TSGA10: variants seen among roughly 807,000 people sequenced by gnomAD.
TSGA10 encodes the protein testis specific 10.
In TSGA10, 43 loss-of-function variants were observed where a neutral mutation model predicts 96.6. The ratio of observed to expected loss-of-function variants is 0.44; its 90% CI spans 0.35 to 0.57. TSGA10 has a LOEUF of 0.57. Ranked by LOEUF, TSGA10 falls within the 20% of genes least tolerant of loss-of-function variation. The probability of loss-of-function intolerance (pLI) is 0.01; values close to 1 mark genes in which losing one functional copy is unlikely to be tolerated. For synonymous variants in TSGA10, 229 were observed against 269.9 expected (o/e 0.85, Z 1.48); for missense variants, 703 against 834.4 (o/e 0.84, Z 1.94).
At chr2:99,091,533 A>C (rs1327314510) in intron 10 of TSGA10, among the ~76,000 whole-genome samples, 1 of 152,106 alleles carries the variant, frequency 6.6e-6, no homozygotes, top group Non-Finnish European at 1.5e-5. Flanking sequence ...AATTCACTGA[A>C]CAAGTATCTG....
intron 16 of TSGA10, among the ~76,000 whole-genome samples, chr2:99,045,960 T>A (rs546839037): frequency 6.6e-6 from 1 of 151,672 alleles, no homozygotes; most frequent in Non-Finnish European, 1.5e-5. Flanking sequence ...ACCACAAAGA[T>A]CAAAAGAGAC....
At chr2:99,087,527 A>AT (rs949166397) in intron 10 of TSGA10, among the ~76,000 whole-genome samples, 1 of 151,820 alleles carries the variant, frequency 6.6e-6, no homozygotes, top group African/African-American at 2.4e-5. Flanking sequence ...AAAAAATAAA[A>AT]TTTTTTTTAA....
chr2:99,079,384 G>A (rs1020904106), intron 11 of TSGA10, among the ~76,000 whole-genome samples: 1 of 152,190 alleles, frequency 6.6e-6, no homozygotes, highest in Non-Finnish European at 1.5e-5. Flanking sequence ...CAGTGTCAAC[G>A]TTGAAGGCCT....
chr2:99,091,656 C>G (rs1051376520), intron 10 of TSGA10, among the ~76,000 whole-genome samples: 2 of 151,994 alleles, frequency 1.3e-5, no homozygotes, highest in African/African-American at 4.8e-5. Context: ...AGTAGCTATT[C>G]TTATATCAGA....
intron 16 of TSGA10, among the ~76,000 whole-genome samples, chr2:99,056,526 T>G (rs904330367): frequency 1.3e-5 from 2 of 152,156 alleles, no homozygotes; most frequent in African/African-American, 2.4e-5. Flanking sequence ...ACTATCTGTA[T>G]AGATCTATAA....
chr2:99,017,456 G>C (rs1416696735), intron 20 of TSGA10, among the ~76,000 whole-genome samples: 2 of 152,174 alleles, frequency 1.3e-5, no homozygotes, highest in Non-Finnish European at 2.9e-5. Flanking sequence ...TAAGCTATGA[G>C]GATGAAAGTT....
At chr2:99,037,847 C>T (rs1385170753) in intron 16 of TSGA10, among the ~76,000 whole-genome samples, 6 of 151,910 alleles carry the variant, frequency 3.9e-5, no homozygotes, top group African/African-American at 1.5e-4. Context: ...GAAACTCCAT[C>T]TCAAAAATAA....
chr2:99,056,186 C>T (rs1301460874), intron 16 of TSGA10, among the ~76,000 whole-genome samples: 1 of 146,190 alleles, frequency 6.8e-6, no homozygotes, highest in Non-Finnish European at 1.5e-5. Flanking sequence ...GCCTGGGTGA[C>T]AGAGCAAGAC....
intron 17 of TSGA10, among the ~76,000 whole-genome samples, chr2:99,023,709 G>C (rs140203335): frequency 1.3e-5 from 2 of 152,194 alleles, no homozygotes; most frequent in Non-Finnish European, 2.9e-5. Flanking sequence ...GGGCACAAAT[G>C]TATAAACCAT....
chr2:99,052,047 A>C (rs1189978917), intron 16 of TSGA10, among the ~76,000 whole-genome samples: 1 of 151,900 alleles, frequency 6.6e-6, no homozygotes, highest in African/African-American at 2.4e-5. Context: ...TCAAATCAAC[A>C]ACCTAACTTC....
At chr2:99,086,993 A>G (rs563341021) in intron 10 of TSGA10, among the ~76,000 whole-genome samples, 15 of 151,786 alleles carry the variant, frequency 9.9e-5, no homozygotes, top group Admixed American at 8.5e-4. Context: ...TCACGAGGTC[A>G]GGAGATTGAG....
In TSGA10 at chr2:99,105,277, C is replaced by A. The variant is rs548398550; in HGVS notation, c.459+82G>T. The stretch of plus-strand genomic sequence containing the variant: ...CTATCTTAGAAAAATAAAATAACTT[C>A]TCTGAATACAGAAAAAGGAGAAAGG... On this transcript the variant is annotated intron_variant, in intron 9 of 20. Transcript: ENST00000393483. The A allele has an allele frequency of 3.7e-5, 45 of 1,206,802 alleles. No homozygotes were observed. In the South Asian group the frequency reaches 6.0e-4, roughly 16 times the overall value. The allele number at this position is 1,206,802 out of a possible 1,614,324, so 74.8% of individuals were successfully genotyped here. A position where few individuals can be genotyped will look rare whatever the true frequency, so the allele number is the denominator to read the frequency against.
chr2:99,063,082 TG>T, intron 16 of TSGA10, among the ~76,000 whole-genome samples: 1 of 152,166 alleles, frequency 6.6e-6, no homozygotes, highest in East Asian at 1.9e-4. Flanking sequence ...TGGAGCAGAA[TG>T]TATGGGAACT....
At position 99,018,227 on chromosome 2, in the gene TSGA10, T is replaced by G; in HGVS notation, c.2045A>C (p.Asp682Ala). 1 of 1,614,074 alleles carries G rather than the reference T, an allele frequency of 6.2e-7. No individual in the cohort carries two copies. The highest frequency in any genetic ancestry group is 8.5e-7 in the Non-Finnish European group (1 of 1,180,016). The change falls in exon 20 of 21, where the codon GAC becomes GCC. Residue 682 changes from aspartate to alanine, a missense_variant. Physicochemically the swap from Asp to Ala is moderately radical, Grantham distance 126 (BLOSUM62 -2). This residue lies in a region of TSGA10 where 69 missense variants were observed against 81.3 expected (regional missense o/e 0.85). Coordinates refer to ENST00000393483, the MANE Select transcript of TSGA10 (RefSeq NM_025244.4). ...SPERAHHRSP[D>A]RGLDRSLEEN... The stretch of plus-strand genomic sequence containing the variant: ...TTCTAATGATCGATCTAGGCCTCGG[T>G]CAGGAGATCGATGGTGAGCACGTTC...
At chr2:99,002,885 AG>A (rs2078066217) in intron 20 of TSGA10, among the ~76,000 whole-genome samples, 1 of 151,200 alleles carries the variant, frequency 6.6e-6, no homozygotes, top group Non-Finnish European at 1.5e-5. Context: ...TTTGAGAAAG[AG>A]TCTCACTCTG....
In TSGA10 at chr2:99,154,820, C is replaced by T. The variant is rs529999646; in HGVS notation, c.-748G>A. 5 of 329,936 alleles carry T rather than the reference C, an allele frequency of 1.5e-5. 1 individual carries two copies. In the Admixed American group the frequency reaches 1.7e-4, roughly 11 times the overall value. The allele number at this position is 329,936 out of a possible 1,614,324, so 20.4% of individuals were successfully genotyped here. ...GTCCCTGCCTGGAACCTGGTTCCCGCCCTGAAGGACCCTTACTTAGCACTC... is the reference window on the plus strand; with the variant it reads ...GTCCCTGCCTGGAACCTGGTTCCCGTCCTGAAGGACCCTTACTTAGCACTC... On this transcript the variant is annotated 5_prime_UTR_variant, in exon 1 of 21. Transcript: ENST00000393483.
In TSGA10 at chr2:99,089,647, T is replaced by C. The variant is rs529174147; in HGVS notation, c.612-8250A>G. On this transcript the variant is annotated intron_variant, in intron 10 of 20. Coordinates refer to ENST00000393483, the MANE Select transcript of TSGA10 (RefSeq NM_025244.4). ...CCTGTAATTGCTGGCTTTCCCCCAC[T>C]TCCCTAGTGACCTGCATGACACAGG... Among the ~76,000 whole-genome samples the C allele has an allele frequency of 3.3e-5, 5 of 152,208 alleles. No individual in the cohort carries two copies. In the East Asian group the frequency reaches 9.7e-4, roughly 29 times the overall value.
intron 1 of TSGA10, among the ~76,000 whole-genome samples, chr2:99,143,653 G>T (rs914713323): frequency 1.3e-5 from 2 of 151,620 alleles, no homozygotes; most frequent in Non-Finnish European, 2.9e-5. Context: ...GTATGTTTTT[G>T]TAGAGATGCG....
chr2:99,118,654 A>AG lies in TSGA10; in HGVS notation c.-460dup. On this transcript the variant is annotated 5_prime_UTR_variant, in exon 3 of 21. Transcript: ENST00000393483. Reference sequence around the variant, plus strand: ...ATCAAACCATCAATGGATGAAGAAAAGGGCCTTTTCTATCACAAAGGTATC... The same window carrying AG: ...ATCAAACCATCAATGGATGAAGAAAAGGGGCCTTTTCTATCACAAAGGTATC... The AG allele has an allele frequency of 1.0e-6, 1 of 985,076 alleles. No individual in the cohort carries two copies. The highest frequency in any genetic ancestry group is 1.2e-6 in the Non-Finnish European group (1 of 829,798). 61.0% of individuals were successfully genotyped at this position (985,076 alleles called of 1,614,324 possible).
Sources: gnomAD v4.1 joint callset for allele counts (sites outside exome capture counted in the v4.1 genomes callset) on GRCh38, gnomAD v4.1.1 for gene constraint, gnomAD v4.1.1 regional missense constraint, MANE v1.5 for transcripts, NCBI Gene and HGNC (gene_info 2026-07-23, HGNC 2026-07-21) for gene names.